TCF4: variants seen among roughly 807,000 people sequenced by gnomAD.
TCF4 encodes the protein SL3-3 enhancer factor 2.
Under a neutral mutation model 82.1 loss-of-function variants are expected in TCF4, and 3 were observed. The ratio of observed to expected loss-of-function variants is 0.04; its 90% CI spans 0.02 to 0.09. TCF4 has a LOEUF of 0.09. Among genes scored for constraint, TCF4 ranks in the 10% least tolerant of loss-of-function variants. The pLI, the probability that TCF4 is intolerant of heterozygous loss-of-function variation, is 1.00. For missense variants in TCF4, 518 were observed against 852.7 expected (o/e 0.61, Z 4.89); for synonymous variants, 276 against 309.6 (o/e 0.89, Z 1.14).
chr18:55,541,042 T>C (rs1232148633), intron 3 of TCF4, among the ~76,000 whole-genome samples: 1 of 152,042 alleles, frequency 6.6e-6, no homozygotes, highest in African/African-American at 2.4e-5. Context: ...TTCCATAGTA[T>C]ACAATTTGAA....
intron 2 of TCF4, among the ~76,000 whole-genome samples, chr18:55,626,553 G>A (rs145749947): frequency 4.6e-4 from 70 of 152,276 alleles, no homozygotes; most frequent in East Asian, 4.2e-3. Flanking sequence ...AAATTCAAAC[G>A]TGTATGAAAC....
chr18:55,541,221 C>T (rs994832007), intron 3 of TCF4, among the ~76,000 whole-genome samples: 18 of 151,990 alleles, frequency 1.2e-4, no homozygotes, highest in African/African-American at 4.3e-4. Context: ...GCATTTTATA[C>T]TGCAAATTGC....
At chr18:55,268,071 A>G (rs1040774179) in intron 11 of TCF4, 1 of 152,056 alleles carries the variant, frequency 6.6e-6, no homozygotes, top group Admixed American at 6.6e-5. Flanking sequence ...TAACCACCCT[A>G]TTTCCTGATA....
chr18:55,287,033 G>A (rs949346518), intron 8 of TCF4, among the ~76,000 whole-genome samples: 3 of 151,870 alleles, frequency 2.0e-5, no homozygotes, highest in Non-Finnish European at 2.9e-5. Flanking sequence ...ACAATTCATG[G>A]TAAGAAGAGT....
chr18:55,237,396 A>C (rs1262351581), intron 15 of TCF4, among the ~76,000 whole-genome samples: 1 of 149,500 alleles, frequency 6.7e-6, no homozygotes, highest in Admixed American at 6.7e-5. Context: ...AACTCCATCT[A>C]TTTTCTATAG....
At chr18:55,627,798 C>G (rs2097727976) in intron 2 of TCF4, among the ~76,000 whole-genome samples, 1 of 151,366 alleles carries the variant, frequency 6.6e-6, no homozygotes, top group Admixed American at 6.6e-5. Context: ...CAGTGGCTCA[C>G]GCCTGTAATC....
intron 19 of TCF4, 56 bp from the exon 20 acceptor site, chr18:55,228,086 T>G (rs1387483184): frequency 1.2e-5 from 14 of 1,121,678 alleles, no homozygotes; most frequent in Non-Finnish European, 1.7e-5. Context: ...ACAGAAAAAG[T>G]ATGCTTTTTT....
chr18:55,424,633 T>C (rs541106059), intron 5 of TCF4, among the ~76,000 whole-genome samples: 1 of 152,262 alleles, frequency 6.6e-6, no homozygotes, highest in East Asian at 1.9e-4. Flanking sequence ...TACACAGCAC[T>C]GAGGCCCACC....
chr18:55,422,536 C>T, intron 5 of TCF4: 3 of 875,052 alleles, frequency 3.4e-6, no homozygotes, highest in Non-Finnish European at 4.1e-6. Context: ...ACACTCATCA[C>T]ATGTTTCCTA....
intron 8 of TCF4, among the ~76,000 whole-genome samples, chr18:55,288,450 A>G (rs2064215282): frequency 6.6e-6 from 1 of 152,218 alleles, no homozygotes; most frequent in Admixed American, 6.5e-5. Context: ...CACACAGCTA[A>G]TAAACTGGCA....
intron 6 of TCF4, among the ~76,000 whole-genome samples, chr18:55,368,825 TTC>T (rs2088034951): frequency 6.6e-6 from 1 of 152,208 alleles, no homozygotes; most frequent in Admixed American, 6.5e-5. Flanking sequence ...CTGGTTTGGA[TTC>T]TGATTCAAAC....
At chr18:55,534,409 T>C (rs906224342) in intron 3 of TCF4, among the ~76,000 whole-genome samples, 2 of 152,166 alleles carry the variant, frequency 1.3e-5, no homozygotes, top group Admixed American at 6.5e-5. Context: ...CTGGGGGTGC[T>C]TTACTGAGGA....
intron 6 of TCF4, among the ~76,000 whole-genome samples, chr18:55,396,306 T>G (rs756551460): frequency 1.6e-4 from 24 of 152,196 alleles, no homozygotes; most frequent in Non-Finnish European, 2.2e-4. Context: ...TCTTAATTAT[T>G]AAGGGACAAT....
At chr18:55,290,766 A>G (rs370237249) in intron 8 of TCF4, among the ~76,000 whole-genome samples, 1 of 152,144 alleles carries the variant, frequency 6.6e-6, no homozygotes, top group Non-Finnish European at 1.5e-5. Flanking sequence ...GTTGCATCAG[A>G]CACAAGCAGA....
At chr18:55,288,794 GAGAC>G (rs1238556869) in intron 8 of TCF4, among the ~76,000 whole-genome samples, 1 of 152,198 alleles carries the variant, frequency 6.6e-6, no homozygotes, top group East Asian at 1.9e-4. Flanking sequence ...AATATTACTA[GAGAC>G]AGAGAGAGGC....
chr18:55,380,691 C>T (rs965650327), intron 6 of TCF4, among the ~76,000 whole-genome samples: 1 of 152,206 alleles, frequency 6.6e-6, no homozygotes, highest in African/African-American at 2.4e-5. Context: ...GCTCATGCCC[C>T]ACTGTGAGCA....
At chr18:55,558,121 A>G (rs573032589) in intron 3 of TCF4, among the ~76,000 whole-genome samples, 3 of 152,204 alleles carry the variant, frequency 2.0e-5, no homozygotes, top group Admixed American at 6.5e-5. Flanking sequence ...CGGCGGTAGG[A>G]GGATCACTTG....
At chr18:55,425,911 G>C (rs1253722695) in intron 5 of TCF4, among the ~76,000 whole-genome samples, 4 of 152,108 alleles carry the variant, frequency 2.6e-5, no homozygotes, top group Non-Finnish European at 5.9e-5. Context: ...TGCCCCTGCT[G>C]TTTAAACTAC....
intron 3 of TCF4, among the ~76,000 whole-genome samples, chr18:55,466,277 C>T (rs2096015932): frequency 6.6e-6 from 1 of 152,148 alleles, no homozygotes; most frequent in Admixed American, 6.6e-5. Context: ...AGAAGGATTG[C>T]TTGAGGCCAG....
Sources: gnomAD v4.1 joint callset for allele counts (sites outside exome capture counted in the v4.1 genomes callset) on GRCh38, gnomAD v4.1.1 for gene constraint, MANE v1.5 for transcripts, NCBI Gene and HGNC (gene_info 2026-07-23, HGNC 2026-07-21) for gene names.